PDIA5: variants seen among roughly 807,000 people sequenced by gnomAD.
PDIA5 encodes protein disulfide isomerase family A member 5.
In PDIA5, 58 loss-of-function variants were observed where a neutral mutation model predicts 77.6. That is an observed-to-expected ratio of 0.75 (90% CI 0.61 to 0.93). The LOEUF (loss-of-function observed/expected upper bound fraction) is 0.93. Ranked by LOEUF, PDIA5 falls within the 40% of genes least tolerant of loss-of-function variation. The pLI is 0.00. For missense variants in PDIA5, 630 were observed against 647.7 expected (o/e 0.97, Z 0.30); for synonymous variants, 250 against 252.1 (o/e 0.99, Z 0.08).
intron 11 of PDIA5, among the ~76,000 whole-genome samples, chr3:123,142,132 C>T (rs1230312758): frequency 2.6e-5 from 4 of 152,252 alleles, no homozygotes; most frequent in Non-Finnish European, 5.9e-5. Flanking sequence ...TCCCTGGTCC[C>T]TCTTGGAGTT....
chr3:123,116,768 G>A (rs1275675328), intron 8 of PDIA5, among the ~76,000 whole-genome samples: 1 of 152,202 alleles, frequency 6.6e-6, no homozygotes, highest in East Asian at 1.9e-4. Context: ...TGTGGTTCCT[G>A]TGGGGCGGGA....
At chr3:123,093,350 G>C (rs1934347387) in intron 3 of PDIA5, among the ~76,000 whole-genome samples, 1 of 152,164 alleles carries the variant, frequency 6.6e-6, no homozygotes, top group Non-Finnish European at 1.5e-5. Flanking sequence ...CAGTAGGTGA[G>C]ATCTTAGCCA....
At position 123,092,451 on chromosome 3, in the gene PDIA5, T is replaced by C. The variant is rs1479257991; in HGVS notation, c.257+9T>C. 6.2e-7 allele frequency: 1 copy of C among 1,607,810 alleles called. No homozygotes were observed. The highest frequency in any genetic ancestry group is 1.7e-5 in the Admixed American group (1 of 59,986). On this transcript the variant is annotated intron_variant, in intron 3 of 16. Transcript: ENST00000316218. ...TGCTGGGTGGACTGTGGGTATGTGC[T>C]GGGGCCATGTGCCATGGTGGCTGCT...
chr3:123,145,860 A>T (rs531554212), intron 12 of PDIA5, among the ~76,000 whole-genome samples: 1 of 152,334 alleles, frequency 6.6e-6, no homozygotes, highest in East Asian at 1.9e-4. Flanking sequence ...AACAGGTGCC[A>T]ATCTACTCAA....
intron 11 of PDIA5, among the ~76,000 whole-genome samples, chr3:123,138,190 C>T (rs1357883641): frequency 6.6e-6 from 1 of 152,220 alleles, no homozygotes; most frequent in Non-Finnish European, 1.5e-5. Context: ...AAGCAATCTT[C>T]CTGCCTTGAC....
At chr3:123,073,022 T>G (rs1933765966) in intron 1 of PDIA5, among the ~76,000 whole-genome samples, 1 of 152,150 alleles carries the variant, frequency 6.6e-6, no homozygotes, top group Non-Finnish European at 1.5e-5. Flanking sequence ...TCAGCCCTGG[T>G]GGGCTGGCCC....
intron 8 of PDIA5, among the ~76,000 whole-genome samples, chr3:123,120,012 G>A (rs368088476): frequency 2.6e-5 from 4 of 152,144 alleles, no homozygotes; most frequent in South Asian, 2.1e-4. Context: ...GACTCATCGC[G>A]TCTGTCCCAT....
At chr3:123,111,213 C>G (rs1210081623) in intron 7 of PDIA5, among the ~76,000 whole-genome samples, 1 of 152,206 alleles carries the variant, frequency 6.6e-6, no homozygotes, top group East Asian at 1.9e-4. Flanking sequence ...TGCATTCTGT[C>G]TCCAGTAGAA....
Position 123,126,567 on chromosome 3 carries a change from C to T in PDIA5, c.773+2224C>T, listed in dbSNP as rs117057436. Among the ~76,000 whole-genome samples the T allele has an allele frequency of 9.8e-5, 15 of 152,356 alleles. No homozygotes were observed. The East Asian group carries it at 2.9e-3, about 29-fold the overall frequency. ...TAGCATATTGTTATTATTTCCCCTA[C>T]ATAGATCTAGCTCTGCATGTGGGTT... is the stretch of plus-strand genomic sequence containing the variant. On this transcript the variant is annotated intron_variant, in intron 10 of 16. Transcript: ENST00000316218.
Position 123,102,473 on chromosome 3 carries a change from A to T in PDIA5, c.320A>T (p.Lys107Met), listed in dbSNP as rs371954514. 10 of 1,613,764 alleles carry T rather than the reference A, an allele frequency of 6.2e-6. 1 individual carries two copies. Among genetic ancestry groups the T allele is most frequent in the South Asian group, 4.4e-5 (4 of 91,074 alleles). Residue 107 changes from lysine to methionine, a missense_variant, in exon 4 of 17, where the codon AAG becomes ATG. Transcript: ENST00000316218. Reference protein sequence around the residue: ...MKVDLSPKDKKVELFHYQDGA... With the variant: ...MKVDLSPKDKMVELFHYQDGA... ...GTTGACCTGAGCCCGAAGGACAAAA[A>T]GGTTGAATTATTCCATTACCAGTAA... is the stretch of plus-strand genomic sequence containing the variant.
chr3:123,109,628 C>T (rs1179204850), intron 6 of PDIA5, among the ~76,000 whole-genome samples: 3 of 151,476 alleles, frequency 2.0e-5, no homozygotes, highest in Non-Finnish European at 1.5e-5. Flanking sequence ...TTTAATCTAA[C>T]TGAAAAATTT....
intron 8 of PDIA5, 103 bp from the exon 9 acceptor site, chr3:123,123,963 C>T (rs1451767805): frequency 6.5e-6 from 5 of 770,908 alleles, no homozygotes; most frequent in South Asian, 2.9e-5. Flanking sequence ...GGGCTTTGTC[C>T]CATATGTCTT....
intron 7 of PDIA5, among the ~76,000 whole-genome samples, chr3:123,116,022 GT>G (rs1222547827): frequency 3.9e-5 from 6 of 152,258 alleles, no homozygotes; most frequent in African/African-American, 1.4e-4. Flanking sequence ...GCAGTGCCTT[GT>G]TTTGCACCAC....
At chr3:123,123,217 C>A (rs1935161097) in intron 8 of PDIA5, among the ~76,000 whole-genome samples, 1 of 152,216 alleles carries the variant, frequency 6.6e-6, no homozygotes, top group African/African-American at 2.4e-5. Context: ...TTAGAGGGTG[C>A]AGTGAGCTAT....
chr3:123,161,601 C>A, intron 16 of PDIA5, 146 bp downstream of exon 16: 2 of 865,662 alleles, frequency 2.3e-6, no homozygotes, highest in Non-Finnish European at 3.5e-6. Flanking sequence ...GGCCCTGGGC[C>A]TGGCTGAGGC....
At chr3:123,117,692 TG>T (rs1576450745) in intron 8 of PDIA5, among the ~76,000 whole-genome samples, 1 of 152,224 alleles carries the variant, frequency 6.6e-6, no homozygotes, top group East Asian at 1.9e-4. Context: ...TTCCACCCTA[TG>T]TACATACCAC....
intron 8 of PDIA5, among the ~76,000 whole-genome samples, chr3:123,119,098 A>G (rs760798728): frequency 6.6e-6 from 1 of 152,124 alleles, no homozygotes; most frequent in East Asian, 1.9e-4. Context: ...AAAAAATTTT[A>G]AAAATTAGCT....
At chr3:123,117,376 A>T (rs1056350998) in intron 8 of PDIA5, among the ~76,000 whole-genome samples, 4 of 119,388 alleles carry the variant, frequency 3.4e-5, no homozygotes, top group African/African-American at 1.5e-4. Flanking sequence ...CTATGATTTT[A>T]TATATATATA....
chr3:123,094,429 G>A (rs377710893), intron 3 of PDIA5, among the ~76,000 whole-genome samples: 1 of 152,184 alleles, frequency 6.6e-6, no homozygotes, highest in Admixed American at 6.5e-5. Context: ...CACTCTAGGC[G>A]GCAGCTGTCA....
Sources: allele counts gnomAD v4.1 joint callset (sites outside exome capture counted in the v4.1 genomes callset), GRCh38; gene constraint gnomAD v4.1.1; transcripts MANE v1.5; gene names NCBI Gene and HGNC (gene_info 2026-07-23, HGNC 2026-07-21).